The following ENOX2 variants were observed in gnomAD, a reference collection of about 807,000 sequenced individuals.
The protein encoded by ENOX2 is APK1 antigen.
In ENOX2, 36 loss-of-function variants were observed where a neutral mutation model predicts 45.0. The ratio of observed to expected loss-of-function variants is 0.80; its 90% CI spans 0.61 to 1.06. The LOEUF is 1.06. Among genes scored for constraint, ENOX2 ranks in the 50% least tolerant of loss-of-function variants. The pLI is 0.00. For missense variants in ENOX2, 423 were observed against 462.5 expected, an observed-to-expected ratio of 0.91 and a Z score of 0.78; for synonymous variants, 174 against 152.3, an observed-to-expected ratio of 1.14 and a Z score of -1.05.
intron 3 of ENOX2, among the ~76,000 whole-genome samples, chrX:130,782,117 T>C (rs1227474128): frequency 9.0e-6 from 1 of 111,685 alleles, no homozygotes; most frequent in Non-Finnish European, 1.9e-5. Flanking sequence ...TTTATACACA[T>C]ACACACATAT....
intron 2 of ENOX2, among the ~76,000 whole-genome samples, chrX:130,872,491 G>A (rs762384753): frequency 8.9e-6 from 1 of 111,951 alleles, no homozygotes; most frequent in Admixed American, 9.5e-5. Context: ...TACTTACAAA[G>A]TATTACTTAC....
chrX:130,667,583 A>C lies in ENOX2; in HGVS notation c.854T>G (p.Met285Arg). ...CTTGAACTTCTCCTTTGCTTCTTCC[A>C]TATCTTTCTCATGGGCAGCTTTCTC... ...VNEKAAHEKD[M>R]EEAKEKFKQA... Residue 285 changes from methionine (M) to arginine (R), a missense_variant, in exon 8 of 15, where the codon ATG (methionine) becomes AGG (arginine). Physicochemically the swap from Met to Arg is moderately conservative, Grantham distance 91. Transcript: ENST00000394363. The C allele has an allele frequency of 8.3e-7, 1 of 1,211,500 alleles. No individual in the cohort carries two copies. The highest frequency in any genetic ancestry group is 1.7e-5 in the African/African-American group (1 of 57,697).
chrX:130,762,114 C>T (rs2039503882), intron 3 of ENOX2, among the ~76,000 whole-genome samples: 1 of 111,267 alleles, frequency 9.0e-6, no homozygotes, highest in African/African-American at 3.3e-5. Flanking sequence ...TTATTTTGTT[C>T]TTATTTCTCT....
intron 3 of ENOX2, among the ~76,000 whole-genome samples, chrX:130,740,814 A>G (rs1218628093): frequency 1.8e-5 from 2 of 112,192 alleles, no homozygotes; most frequent in African/African-American, 6.5e-5. Context: ...GAAGGAAGAC[A>G]TAACAATGGT....
intron 3 of ENOX2, among the ~76,000 whole-genome samples, chrX:130,715,306 C>A (rs2038297974): frequency 9.0e-6 from 1 of 111,595 alleles, no homozygotes; most frequent in African/African-American, 3.3e-5. Flanking sequence ...GGACCTTTGG[C>A]TGAAGTACTA....
chrX:130,751,724 A>G (rs972282372), intron 3 of ENOX2, among the ~76,000 whole-genome samples: 3 of 112,311 alleles, frequency 2.7e-5, no homozygotes, highest in Admixed American at 9.4e-5. Flanking sequence ...AAAACAGTTG[A>G]TATTTTCTGT....
At chrX:130,859,023 T>C (rs181032271) in intron 2 of ENOX2, among the ~76,000 whole-genome samples, 60 of 112,640 alleles carry the variant, frequency 5.3e-4, no homozygotes, top group Admixed American at 9.4e-4. Context: ...ATACGATCAC[T>C]GTCCTTTAAG....
chrX:130,796,152 G>A (rs1488756627), intron 2 of ENOX2, among the ~76,000 whole-genome samples: 4 of 110,748 alleles, frequency 3.6e-5, no homozygotes, highest in African/African-American at 1.3e-4. Context: ...GATGACAGTC[G>A]CATGAACTCA....
chrX:130,676,548 A>C (rs1483599723), intron 6 of ENOX2, among the ~76,000 whole-genome samples: 2 of 111,274 alleles, frequency 1.8e-5, no homozygotes, highest in Non-Finnish European at 3.8e-5. Context: ...GTTTAGATGG[A>C]TGCTTCCTGA....
At position 130,897,351 on chromosome X, in the gene ENOX2, T is replaced by C. The variant is rs542483367; in HGVS notation, c.-183+4333A>G. Reference sequence around the variant, plus strand: ...TGTTATGCTGTGGTCACATATAACTTGCCCAAGGGAGTGTACAAAGCCTGT... The same window carrying C: ...TGTTATGCTGTGGTCACATATAACTCGCCCAAGGGAGTGTACAAAGCCTGT... On this transcript the variant is annotated intron_variant, in intron 2 of 14. Transcript: ENST00000394363. Among the ~76,000 whole-genome samples, 7 of 112,193 alleles carry C rather than the reference T, an allele frequency of 6.2e-5. No individual in the cohort carries two copies. In the Middle Eastern group the frequency reaches 0.018, roughly 295 times the overall value.
At chrX:130,776,624 C>T (rs945625954) in intron 3 of ENOX2, among the ~76,000 whole-genome samples, 6 of 111,526 alleles carry the variant, frequency 5.4e-5, no homozygotes, top group Admixed American at 9.5e-5. Flanking sequence ...TCTGCCGAAC[C>T]GTGAGACAAT....
At chrX:130,808,884 A>G (rs1214136066) in intron 2 of ENOX2, among the ~76,000 whole-genome samples, 1 of 112,437 alleles carries the variant, frequency 8.9e-6, no homozygotes, top group African/African-American at 3.2e-5. Flanking sequence ...AGAACTAGAG[A>G]GACTAAACTA....
intron 2 of ENOX2, among the ~76,000 whole-genome samples, chrX:130,869,474 C>T (rs2078537952): frequency 2.7e-5 from 3 of 111,584 alleles, no homozygotes; most frequent in South Asian, 3.7e-4. Flanking sequence ...ACTCCAGCTA[C>T]CAAACTCATG....
intron 3 of ENOX2, among the ~76,000 whole-genome samples, chrX:130,713,726 T>C (rs937181563): frequency 3.6e-5 from 4 of 110,748 alleles, no homozygotes; most frequent in Non-Finnish European, 7.6e-5. Context: ...CCAAAAAGCA[T>C]AGATGGGCCT....
intron 2 of ENOX2, among the ~76,000 whole-genome samples, chrX:130,898,012 CT>C (rs1307955738): frequency 6.2e-4 from 65 of 104,609 alleles, no homozygotes; most frequent in Admixed American, 5.1e-4. Flanking sequence ...TTTAAAATAA[CT>C]TTTTTTTTTT....
At chrX:130,675,305 C>T in intron 6 of ENOX2, among the ~76,000 whole-genome samples, 1 of 111,626 alleles carries the variant, frequency 9.0e-6, no homozygotes, top group Middle Eastern at 4.7e-3. Context: ...TTAATGATTG[C>T]CATTCTAACT....
chrX:130,629,321 C>T (rs2035631779), intron 13 of ENOX2, among the ~76,000 whole-genome samples: 1 of 112,935 alleles, frequency 8.9e-6, no homozygotes, highest in Admixed American at 9.3e-5. Context: ...AGAAATAACT[C>T]CAGAGGTTTA....
At chrX:130,899,034 C>T (rs1027876043) in intron 2 of ENOX2, among the ~76,000 whole-genome samples, 6 of 110,706 alleles carry the variant, frequency 5.4e-5, no homozygotes, top group African/African-American at 2.0e-4. Context: ...AAGGATGTTT[C>T]CTGGCAAAGT....
At chrX:130,808,084 G>A (rs1264605899) in intron 2 of ENOX2, among the ~76,000 whole-genome samples, 1 of 111,914 alleles carries the variant, frequency 8.9e-6, no homozygotes, top group Non-Finnish European at 1.9e-5. Flanking sequence ...AATAAACCTT[G>A]GATGACTTTC....
Sources: gnomAD v4.1 joint callset for allele counts (sites outside exome capture counted in the v4.1 genomes callset) on GRCh38, gnomAD v4.1.1 for gene constraint, MANE v1.5 for transcripts, NCBI Gene and HGNC (gene_info 2026-07-23, HGNC 2026-07-21) for gene names.